Variants in HIPK2 observed in about 807,000 individuals in gnomAD.
The protein encoded by HIPK2 is homeodomain interacting protein kinase 2.
Under a neutral mutation model 113.7 loss-of-function variants are expected in HIPK2, and 27 were observed. The observed-to-expected ratio is 0.24, with a 90% CI of 0.17 to 0.33. The LOEUF (loss-of-function observed/expected upper bound fraction) is 0.33. Among genes scored for constraint, HIPK2 ranks in the 10% least tolerant of loss-of-function variants. HIPK2 has a pLI of 1.00. For synonymous variants in HIPK2, 631 were observed against 642.2 expected (o/e 0.98, Z 0.26); for missense variants, 1,257 against 1,588.0 (o/e 0.79, Z 3.54).
chr7:139,622,905 A>G (rs920506666), intron 6 of HIPK2, among the ~76,000 whole-genome samples: 1 of 152,162 alleles, frequency 6.6e-6, no homozygotes, highest in Non-Finnish European at 1.5e-5. Flanking sequence ...CATGTGACCA[A>G]GCCGTGAAAC....
chr7:139,687,960 T>C (rs1227024704), intron 2 of HIPK2, among the ~76,000 whole-genome samples: 1 of 152,242 alleles, frequency 6.6e-6, no homozygotes, highest in Non-Finnish European at 1.5e-5. Context: ...AGGATCTTCC[T>C]TAGCCAAGAT....
chr7:139,583,513 G>A (rs1585236959), intron 13 of HIPK2: 1 of 314,054 alleles, frequency 3.2e-6, no homozygotes, highest in East Asian at 8.1e-5. Context: ...TATTCTTCCA[G>A]GCTCAGGCAT....
chr7:139,616,950 G>A (rs1009130240), intron 7 of HIPK2, among the ~76,000 whole-genome samples: 1 of 152,234 alleles, frequency 6.6e-6, no homozygotes, highest in African/African-American at 2.4e-5. Flanking sequence ...TTGAGAGGCT[G>A]AATCTTCCAG....
intron 2 of HIPK2, among the ~76,000 whole-genome samples, chr7:139,673,123 A>G (rs1585361474): frequency 6.6e-6 from 1 of 151,504 alleles, no homozygotes; most frequent in South Asian, 2.1e-4. Context: ...TTTTAATGAA[A>G]AAGATGGGAG....
intron 2 of HIPK2, among the ~76,000 whole-genome samples, chr7:139,669,576 AC>A (rs1258826483): frequency 6.8e-6 from 1 of 146,036 alleles, no homozygotes; most frequent in Non-Finnish European, 1.5e-5. Context: ...TGAGCATGAG[AC>A]CACATAAATG....
rs569574316 is a variant in HIPK2, at chr7:139,619,080, T to A, written c.1782+1321A>T. On this transcript the variant is annotated intron_variant, in intron 7 of 14. Transcript: ENST00000406875. ...CCCCCAGAGGGCAGCAGATACCAGGTGGTGTCTCCTAGAATTTGGGCAAAG... is the reference window on the plus strand; with the variant it reads ...CCCCCAGAGGGCAGCAGATACCAGGAGGTGTCTCCTAGAATTTGGGCAAAG... Among the ~76,000 whole-genome samples the A allele has an allele frequency of 6.6e-5, 10 of 152,008 alleles. No individual in the cohort carries two copies. In the East Asian group the frequency reaches 1.9e-3, roughly 29 times the overall value.
At chr7:139,667,141 A>G (rs577842601) in intron 2 of HIPK2, among the ~76,000 whole-genome samples, 1 of 152,166 alleles carries the variant, frequency 6.6e-6, no homozygotes, top group South Asian at 2.1e-4. Context: ...CCTTAAATAC[A>G]TAGTTGTAAT....
chr7:139,724,491 A>C (rs1221689612), intron 1 of HIPK2, among the ~76,000 whole-genome samples: 1 of 152,132 alleles, frequency 6.6e-6, no homozygotes, highest in Non-Finnish European at 1.5e-5. Context: ...ATTCCACCAG[A>C]GCACAGCTTA....
chr7:139,746,235 C>A (rs1016032307), intron 1 of HIPK2, among the ~76,000 whole-genome samples: 1 of 152,220 alleles, frequency 6.6e-6, no homozygotes, highest in South Asian at 2.1e-4. Flanking sequence ...CACCCACTGT[C>A]CCCCAGCCGG....
intron 1 of HIPK2, among the ~76,000 whole-genome samples, chr7:139,761,583 T>C (rs951012956): frequency 6.6e-6 from 1 of 152,196 alleles, no homozygotes; most frequent in African/African-American, 2.4e-5. Flanking sequence ...CCTCACACTC[T>C]AGCAGGTCAG....
chr7:139,715,958 G>A lies in HIPK2; in HGVS notation c.1077C>T (p.Ser359=). The stretch of plus-strand genomic sequence containing the variant: ...TGTAATATCTGGACTGCAAGTAGGT[G>A]GAGCACACAGCCTTGGAGACGTGGC... The part of the protein sequence containing the change: ...SASHVSKAVC[S]TYLQSRYYRA... Residue 359 remains serine, a synonymous_variant, in exon 2 of 15, where the codon TCC becomes TCT. Coordinates refer to ENST00000406875, the MANE Select transcript of HIPK2 (RefSeq NM_022740.5). The A allele has an allele frequency of 6.2e-7, 1 of 1,614,132 alleles. No homozygotes were observed. Among genetic ancestry groups the A allele is most frequent in the South Asian group, 1.1e-5 (1 of 91,080 alleles).
intron 2 of HIPK2, among the ~76,000 whole-genome samples, chr7:139,672,766 A>G (rs1802350195): frequency 6.6e-6 from 1 of 152,192 alleles, no homozygotes; most frequent in Non-Finnish European, 1.5e-5. Flanking sequence ...GGCCACAAGT[A>G]ACATTTTTAT....
intron 2 of HIPK2, among the ~76,000 whole-genome samples, chr7:139,635,784 CAT>C (rs1800791767): frequency 6.6e-6 from 1 of 152,186 alleles, no homozygotes; most frequent in Admixed American, 6.5e-5. Flanking sequence ...AAGACACAGA[CAT>C]AAAAATCGAG....
intron 2 of HIPK2, among the ~76,000 whole-genome samples, chr7:139,661,270 A>G (rs894392742): frequency 3.9e-5 from 6 of 152,192 alleles, no homozygotes; most frequent in African/African-American, 1.2e-4. Flanking sequence ...GACACCCAAT[A>G]TAAGCGTCTC....
In HIPK2 at chr7:139,613,024, G is replaced by T; in HGVS notation, c.2112+178C>A. 3.9e-6 allele frequency: 1 copy of T among 258,890 alleles called. No individual in the cohort carries two copies. The highest frequency in any genetic ancestry group is 6.0e-6 in the Non-Finnish European group (1 of 165,798). 16.0% of individuals were successfully genotyped at this position (258,890 alleles called of 1,614,324 possible). On this transcript the variant is annotated intron_variant, in intron 9 of 14. Transcript: ENST00000406875. This position sits in a 1 kb window ranked among gnomAD's most constrained non-coding sequence, Gnocchi z 4.2. Reference sequence around the variant, plus strand: ...TCTAAATTTCTTCTTGGAATTGTAAGCAGATACTTAGGAAGGTAATTCACT... The same window carrying T: ...TCTAAATTTCTTCTTGGAATTGTAATCAGATACTTAGGAAGGTAATTCACT...
chr7:139,644,533 GA>G (rs1425080433), intron 2 of HIPK2, among the ~76,000 whole-genome samples: 6 of 152,252 alleles, frequency 3.9e-5, no homozygotes, highest in Non-Finnish European at 7.3e-5. Flanking sequence ...CAGTGGCTGA[GA>G]AAGGAGCCAG....
Position 139,614,458 on chromosome 7 carries a change from G to T in HIPK2, c.1818C>A (p.Ala606=). The change falls in exon 8 of 15, where the codon GCC becomes GCA. Residue 606 remains alanine, a synonymous_variant. Coordinates refer to ENST00000406875, the MANE Select transcript of HIPK2 (RefSeq NM_022740.5). ...AGTTTAGTATGGAGACTTCGGGATT[G>T]GCTAAGGAAATAGTGGCACTGGTAG... ...PSSTSATISL[A]NPEVSILNYP... The T allele has an allele frequency of 6.8e-7, 1 of 1,481,232 alleles. No homozygotes were observed. Among genetic ancestry groups the T allele is most frequent in the Non-Finnish European group, 9.1e-7 (1 of 1,104,158 alleles). 91.8% of individuals were successfully genotyped at this position (1,481,232 alleles called of 1,614,324 possible).
At chr7:139,690,151 A>C (rs1794356774) in intron 2 of HIPK2, among the ~76,000 whole-genome samples, 2 of 152,204 alleles carry the variant, frequency 1.3e-5, no homozygotes, top group South Asian at 4.1e-4. Flanking sequence ...AGCTGCACCC[A>C]GAAAGCCCTC....
intron 2 of HIPK2, among the ~76,000 whole-genome samples, chr7:139,643,663 C>T (rs1801107164): frequency 6.6e-6 from 1 of 151,944 alleles, no homozygotes. Context: ...CAGCCAGGGA[C>T]ATGGATCCAC....
Sources: allele counts gnomAD v4.1 joint callset (sites outside exome capture counted in the v4.1 genomes callset), GRCh38; gene constraint gnomAD v4.1.1; non-coding constraint Gnocchi (gnomAD v3.1); transcripts MANE v1.5; gene names NCBI Gene and HGNC (gene_info 2026-07-23, HGNC 2026-07-21).